The following ARHGAP21 variants were observed in gnomAD, a reference collection of about 807,000 sequenced individuals.
ARHGAP21 encodes rho GTPase-activating protein 21.
ARHGAP21 carries 38 observed loss-of-function variants against 164.6 expected under a neutral mutation model. The ratio of observed to expected loss-of-function variants is 0.23; its 90% CI spans 0.18 to 0.30. The LOEUF is 0.30. ARHGAP21 is among the 10% of genes least tolerant of loss of function. The pLI is 1.00. For synonymous variants in ARHGAP21, 766 were observed against 857.9 expected (o/e 0.89, Z 1.87); for missense variants, 1,822 against 2,370.7 (o/e 0.77, Z 4.81).
At chr10:24,713,752 C>T (rs1845084105) in intron 2 of ARHGAP21, among the ~76,000 whole-genome samples, 1 of 151,850 alleles carries the variant, frequency 6.6e-6, no homozygotes, top group Non-Finnish European at 1.5e-5. Flanking sequence ...GGATGACAGG[C>T]ATTAGCCACC....
At chr10:24,718,332 G>A (rs1412310449) in intron 2 of ARHGAP21, among the ~76,000 whole-genome samples, 1 of 152,164 alleles carries the variant, frequency 6.6e-6, no homozygotes, top group African/African-American at 2.4e-5. Flanking sequence ...TCGGTAAATA[G>A]GCAACTGGCT....
intron 3 of ARHGAP21, among the ~76,000 whole-genome samples, chr10:24,669,439 G>A (rs963778648): frequency 6.6e-5 from 10 of 152,096 alleles, no homozygotes; most frequent in Non-Finnish European, 1.5e-4. Context: ...CCAGGGTCTC[G>A]TAACTCTTCT....
chr10:24,629,916 C>A, intron 7 of ARHGAP21, 80 bp downstream of exon 7: 1 of 1,006,618 alleles, frequency 9.9e-7, no homozygotes, highest in South Asian at 1.4e-5. Flanking sequence ...TAAATTCCAT[C>A]TTTAATACTT....
At chr10:24,696,854 T>C (rs1198413229) in intron 2 of ARHGAP21, among the ~76,000 whole-genome samples, 1 of 152,164 alleles carries the variant, frequency 6.6e-6, no homozygotes, top group African/African-American at 2.4e-5. Context: ...GGACACTCCG[T>C]GTACCACGGC....
In ARHGAP21 at chr10:24,597,953, A is replaced by G. The variant is rs780996004; in HGVS notation, c.3189T>C (p.Asn1063=). ...CAAGGTGGGATTCTCACCTCATCAG[A>G]TTGTTGTATTCTTTTATTCTTCGAC... ...LISRRIKEYN[N]LMSKAEQLPK... The change falls in exon 15 of 26, where the codon AAT becomes AAC. Residue 1063 remains asparagine, a synonymous_variant. Transcript: ENST00000396432. The G allele has an allele frequency of 3.7e-6, 6 of 1,613,210 alleles. 1 individual carries two copies. The highest frequency in any genetic ancestry group is 1.7e-5 in the Admixed American group (1 of 59,984).
chr10:24,661,227 C>T (rs1839664860), intron 4 of ARHGAP21, among the ~76,000 whole-genome samples: 1 of 150,956 alleles, frequency 6.6e-6, no homozygotes, highest in African/African-American at 2.4e-5. Context: ...TAATTATCTA[C>T]AAGCAACTAT....
rs984991077 is a variant in ARHGAP21 at position 24,620,669 on chromosome 10, T to C, written c.1226A>G (p.Gln409Arg). The C allele has an allele frequency of 5.0e-6, 8 of 1,614,110 alleles. No individual in the cohort carries two copies. In the African/African-American group the frequency reaches 9.3e-5, roughly 19 times the overall value. The change falls in exon 9 of 26, where the codon CAA becomes CGA. Residue 409 changes from glutamine (Q) to arginine (R), a missense_variant. Gln to Arg is a conservative substitution (Grantham distance 43). Around this residue, in one of 5 missense-constraint regions of ARHGAP21, gnomAD observed 1,090 missense variants for 1,378.9 expected, o/e 0.79. Coordinates refer to ENST00000396432, the MANE Select transcript of ARHGAP21 (RefSeq NM_020824.4). Reference sequence around the variant, plus strand: ...TGCTCTTAAACTATCTAATCTTTCTTGTATTGTCCGACAACCTATGTGCAA... The same window carrying C: ...TGCTCTTAAACTATCTAATCTTTCTCGTATTGTCCGACAACCTATGTGCAA... ...RRLHIGCRTIQERLDSLRAAS... is the reference protein window; with the variant it reads ...RRLHIGCRTIRERLDSLRAAS...
At chr10:24,660,368 G>C (rs200140460) in intron 4 of ARHGAP21, among the ~76,000 whole-genome samples, 1 of 107,512 alleles carries the variant, frequency 9.3e-6, no homozygotes, top group African/African-American at 3.8e-5. Context: ...TGGGCACAGA[G>C]CAACACCCTC....
At chr10:24,599,872 G>A (rs1025561250) in intron 14 of ARHGAP21, among the ~76,000 whole-genome samples, 7 of 152,220 alleles carry the variant, frequency 4.6e-5, no homozygotes, top group Middle Eastern at 3.4e-3. Context: ...GGTGGCTCAC[G>A]CCTGTAATGC....
chr10:24,654,597 C>CCACT (rs1189742424), intron 4 of ARHGAP21, among the ~76,000 whole-genome samples: 3 of 152,154 alleles, frequency 2.0e-5, no homozygotes, highest in Non-Finnish European at 4.4e-5. Flanking sequence ...GAACTACAAA[C>CCACT]CACTGCTCAA....
chr10:24,671,895 T>A (rs1840741092), intron 2 of ARHGAP21, among the ~76,000 whole-genome samples: 1 of 137,410 alleles, frequency 7.3e-6, no homozygotes, highest in African/African-American at 2.7e-5. Context: ...TTTTTTTTTT[T>A]TTTTTTTTTT....
At chr10:24,666,641 AAC>A (rs1239539107) in intron 4 of ARHGAP21, among the ~76,000 whole-genome samples, 2 of 152,198 alleles carry the variant, frequency 1.3e-5, no homozygotes, top group Non-Finnish European at 2.9e-5. Context: ...CAATTGATAA[AAC>A]ACACAGCATT....
At chr10:24,709,803 C>T (rs1348521587) in intron 2 of ARHGAP21, among the ~76,000 whole-genome samples, 2 of 150,644 alleles carry the variant, frequency 1.3e-5, no homozygotes, top group African/African-American at 4.9e-5. Context: ...CAAAACCCTA[C>T]AGACCAATAT....
At chr10:24,616,661 G>C (rs915317536) in intron 9 of ARHGAP21, among the ~76,000 whole-genome samples, 4 of 152,188 alleles carry the variant, frequency 2.6e-5, no homozygotes, top group African/African-American at 9.7e-5. Flanking sequence ...ATGAAACCCT[G>C]AGTGTAGGTA....
At chr10:24,693,003 G>A (rs747720030) in intron 2 of ARHGAP21, among the ~76,000 whole-genome samples, 3 of 151,984 alleles carry the variant, frequency 2.0e-5, no homozygotes, top group African/African-American at 4.8e-5. Flanking sequence ...TGCATACAGC[G>A]TGATAATATT....
intron 7 of ARHGAP21, among the ~76,000 whole-genome samples, chr10:24,623,676 T>C (rs1295112865): frequency 1.3e-5 from 2 of 152,218 alleles, no homozygotes; most frequent in Non-Finnish European, 2.9e-5. Flanking sequence ...TGTGTAGTTT[T>C]ATTATATACC....
chr10:24,605,493 A>G (rs1592991928), intron 11 of ARHGAP21, among the ~76,000 whole-genome samples: 1 of 152,172 alleles, frequency 6.6e-6, no homozygotes, highest in East Asian at 1.9e-4. Flanking sequence ...CACAAATCCA[A>G]CCCTGTATCT....
intron 2 of ARHGAP21, among the ~76,000 whole-genome samples, chr10:24,680,911 A>T (rs1841701600): frequency 6.6e-6 from 1 of 152,242 alleles, no homozygotes; most frequent in Non-Finnish European, 1.5e-5. Context: ...GACTGGAATA[A>T]TAGCAGTTAA....
chr10:24,601,059 C>A, intron 13 of ARHGAP21, 129 bp from the exon 14 acceptor site: 1 of 1,062,276 alleles, frequency 9.4e-7, no homozygotes, highest in Non-Finnish European at 1.4e-6. Context: ...AGATTTAGCT[C>A]ACTACATTAT....
Sources: allele counts gnomAD v4.1 joint callset (sites outside exome capture counted in the v4.1 genomes callset), GRCh38; gene constraint gnomAD v4.1.1; regional missense constraint gnomAD v4.1.1; transcripts MANE v1.5; gene names NCBI Gene and HGNC (gene_info 2026-07-23, HGNC 2026-07-21).